The following RGS7 variants were observed in gnomAD, a reference collection of about 807,000 sequenced individuals.
The protein encoded by RGS7 is regulator of G-protein signaling 7.
A neutral mutation model predicts 81.1 loss-of-function variants in RGS7; 27 were observed. The observed-to-expected ratio is 0.33, with a 90% CI of 0.25 to 0.46. The LOEUF (loss-of-function observed/expected upper bound fraction) is 0.46. Among genes scored for constraint, RGS7 ranks in the 20% least tolerant of loss-of-function variants. The probability of loss-of-function intolerance (pLI) is 1.00; values close to 1 mark genes in which losing one functional copy is unlikely to be tolerated. For synonymous variants in RGS7, 208 were observed against 207.7 expected (o/e 1.00, Z -0.01); for missense variants, 396 against 607.4 (o/e 0.65, Z 3.66).
At chr1:240,998,627 C>G (rs954137848) in intron 3 of RGS7, 18 of 917,912 alleles carry the variant, frequency 2.0e-5, no homozygotes, top group Non-Finnish European at 2.9e-5. Flanking sequence ...AGGAGGCTCC[C>G]CATGTTGACT....
chr1:240,778,973 C>G (rs1300933842), intron 18 of RGS7, among the ~76,000 whole-genome samples: 2 of 152,182 alleles, frequency 1.3e-5, no homozygotes, highest in African/African-American at 2.4e-5. Flanking sequence ...CTGCTCTGGT[C>G]TGTCTGTCCC....
intron 2 of RGS7, among the ~76,000 whole-genome samples, chr1:241,141,076 C>T (rs1421311607): frequency 2.6e-5 from 4 of 152,188 alleles, no homozygotes; most frequent in Non-Finnish European, 5.9e-5. Context: ...GAGCAGCTCT[C>T]CCTAACCCAG....
At chr1:241,026,406 T>C (rs1423933571) in intron 3 of RGS7, among the ~76,000 whole-genome samples, 3 of 152,116 alleles carry the variant, frequency 2.0e-5, no homozygotes, top group Non-Finnish European at 4.4e-5. Context: ...TGGTCCAACA[T>C]GGTGAAACCC....
intron 2 of RGS7, among the ~76,000 whole-genome samples, chr1:241,216,883 C>T (rs2074590048): frequency 6.6e-6 from 1 of 152,208 alleles, no homozygotes; most frequent in African/African-American, 2.4e-5. Context: ...AAATATAGGA[C>T]AGAGTCCTGA....
intron 2 of RGS7, among the ~76,000 whole-genome samples, chr1:241,153,011 C>T (rs536413533): frequency 6.6e-6 from 1 of 152,244 alleles, no homozygotes; most frequent in Admixed American, 6.5e-5. Context: ...AACTCAGTGC[C>T]CATTTTTATT....
intron 18 of RGS7, among the ~76,000 whole-genome samples, chr1:240,794,633 C>T (rs116135446): frequency 0.026 from 3,926 of 152,266 alleles, 88 homozygotes; most frequent in Non-Finnish European, 0.042. Context: ...GACTCAATCC[C>T]GAACAGAACC....
intron 2 of RGS7, among the ~76,000 whole-genome samples, chr1:241,341,174 G>C (rs2082522508): frequency 6.6e-6 from 1 of 152,130 alleles, no homozygotes; most frequent in Non-Finnish European, 1.5e-5. Context: ...CATTGAATTT[G>C]ATCCTTACAA....
chr1:240,797,508 C>A (rs535789937), intron 18 of RGS7, among the ~76,000 whole-genome samples: 1 of 152,106 alleles, frequency 6.6e-6, no homozygotes, highest in Non-Finnish European at 1.5e-5. Flanking sequence ...TGCACCACCA[C>A]GCCCGGCTAA....
At chr1:241,087,946 C>CTCTTTCTA (rs1443947578) in intron 3 of RGS7, among the ~76,000 whole-genome samples, 796 of 66,498 alleles carry the variant, frequency 0.012, 18 homozygotes, top group African/African-American at 0.074. Context: ...AAGACTCCAT[C>CTCTTTCTA]TCTCTCTCTC....
chr1:240,847,453 A>C (rs1458424075), intron 9 of RGS7, among the ~76,000 whole-genome samples: 1 of 152,242 alleles, frequency 6.6e-6, no homozygotes, highest in African/African-American at 2.4e-5. Context: ...TGAACACTAC[A>C]TCACATAAAA....
At chr1:241,080,433 A>G (rs982816059) in intron 3 of RGS7, among the ~76,000 whole-genome samples, 1 of 152,198 alleles carries the variant, frequency 6.6e-6, no homozygotes, top group Non-Finnish European at 1.5e-5. Flanking sequence ...CCGATACTAT[A>G]GCAAATCTAA....
At chr1:241,019,347 A>G (rs1298366746) in intron 3 of RGS7, among the ~76,000 whole-genome samples, 2 of 151,510 alleles carry the variant, frequency 1.3e-5, no homozygotes, top group African/African-American at 2.4e-5. Flanking sequence ...TTATAACTTT[A>G]TTTTATTTAT....
intron 3 of RGS7, among the ~76,000 whole-genome samples, chr1:240,995,249 T>A (rs1687090134): frequency 6.6e-6 from 1 of 152,178 alleles, no homozygotes; most frequent in Admixed American, 6.5e-5. Flanking sequence ...TTGTTATATT[T>A]TGCTAAGGAG....
At chr1:240,867,977 G>A (rs1663625280) in intron 9 of RGS7, among the ~76,000 whole-genome samples, 1 of 145,510 alleles carries the variant, frequency 6.9e-6, no homozygotes, top group Non-Finnish European at 1.5e-5. Flanking sequence ...CTCCAGCCTG[G>A]GCCACAGAGC....
chr1:241,245,954 A>G (rs988944126), intron 2 of RGS7, among the ~76,000 whole-genome samples: 16 of 151,248 alleles, frequency 1.1e-4, no homozygotes, highest in African/African-American at 1.5e-4. Flanking sequence ...AACACAAAAA[A>G]TTAGCCAGGC....
chr1:240,858,217 G>T (rs988214648), intron 9 of RGS7, among the ~76,000 whole-genome samples: 1 of 152,170 alleles, frequency 6.6e-6, no homozygotes, highest in African/African-American at 2.4e-5. Flanking sequence ...GTAGGTTTTT[G>T]TGTGAACAGA....
At chr1:241,126,587 T>C (rs1391826300) in intron 2 of RGS7, among the ~76,000 whole-genome samples, 2 of 152,228 alleles carry the variant, frequency 1.3e-5, no homozygotes, top group African/African-American at 4.8e-5. Context: ...TTTTGTTGCC[T>C]CAGCTTCAGC....
chr1:241,123,507 T>C (rs1209760657), intron 2 of RGS7, among the ~76,000 whole-genome samples: 1 of 152,186 alleles, frequency 6.6e-6, no homozygotes, highest in African/African-American at 2.4e-5. Flanking sequence ...TCCCAGCACT[T>C]TGGGATGCCA....
intron 2 of RGS7, among the ~76,000 whole-genome samples, chr1:241,159,100 TAATA>T (rs1386903768): frequency 1.3e-5 from 2 of 152,232 alleles, no homozygotes; most frequent in African/African-American, 2.4e-5. Flanking sequence ...CACAAAGGAA[TAATA>T]AATGTTTTTT....
Sources: gnomAD v4.1 joint callset for allele counts (sites outside exome capture counted in the v4.1 genomes callset) on GRCh38, gnomAD v4.1.1 for gene constraint, MANE v1.5 for transcripts, NCBI Gene and HGNC (gene_info 2026-07-23, HGNC 2026-07-21) for gene names.